The following CA10 variants were observed in gnomAD, a reference collection of about 807,000 sequenced individuals.
CA10 encodes carbonic anhydrase-related protein 10.
CA10 carries 14 observed loss-of-function variants against 44.2 expected under a neutral mutation model. That is an observed-to-expected ratio of 0.32 (90% CI 0.21 to 0.50). The LOEUF (loss-of-function observed/expected upper bound fraction) is 0.50, where lower values mean the gene tolerates loss of function less well. CA10 is among the 20% of genes least tolerant of loss of function. The pLI, the probability that CA10 is intolerant of heterozygous loss-of-function variation, is 0.99. For synonymous variants in CA10, 159 were observed against 141.6 expected (o/e 1.12, Z -0.87); for missense variants, 350 against 409.7 (o/e 0.85, Z 1.26).
At position 51,994,612 on chromosome 17, in the gene CA10, A is replaced by G. The variant is rs531248618; in HGVS notation, c.137-63480T>C. Among the ~76,000 whole-genome samples the G allele has an allele frequency of 1.2e-3, 182 of 151,918 alleles. 4 individuals carry two copies. In the South Asian group the frequency reaches 0.022, roughly 18 times the overall value. On this transcript the variant is annotated intron_variant, in intron 2 of 8. Transcript: ENST00000451037. ...TTGGAAGTCCAGAAACTTCTCATCA[A>G]TGCTACAGAGATCTGGACTTGAGTA...
At chr17:51,880,540 G>A (rs532651657) in intron 3 of CA10, among the ~76,000 whole-genome samples, 21 of 152,072 alleles carry the variant, frequency 1.4e-4, no homozygotes, top group Admixed American at 5.9e-4. Context: ...GGGCTCAAGC[G>A]ATCCTCCTGC....
At chr17:51,737,380 T>C (rs1916946821) in intron 4 of CA10, among the ~76,000 whole-genome samples, 1 of 152,140 alleles carries the variant, frequency 6.6e-6, no homozygotes, top group South Asian at 2.1e-4. Flanking sequence ...GTTATGCTAA[T>C]GTATCTTATC....
intron 3 of CA10, among the ~76,000 whole-genome samples, chr17:51,810,791 C>G (rs1907330633): frequency 6.6e-6 from 1 of 152,210 alleles, no homozygotes; most frequent in African/African-American, 2.4e-5. Context: ...CCTCCAGGAG[C>G]TGGGCTGGGA....
At chr17:51,640,713 C>T (rs747135156) in intron 6 of CA10, among the ~76,000 whole-genome samples, 1 of 152,178 alleles carries the variant, frequency 6.6e-6, no homozygotes, top group Non-Finnish European at 1.5e-5. Context: ...GTTTTCAGCC[C>T]TAATGTCAAG....
chr17:51,754,287 TGTG>T (rs1203416071), intron 3 of CA10, among the ~76,000 whole-genome samples: 1 of 7,428 alleles, frequency 1.3e-4, no homozygotes, highest in Non-Finnish European at 2.3e-4. Context: ...AACAGAATAG[TGTG>T]TGTGTGTGTG....
chr17:51,780,206 T>C (rs1451883428), intron 3 of CA10, among the ~76,000 whole-genome samples: 1 of 152,232 alleles, frequency 6.6e-6, no homozygotes, highest in African/African-American at 2.4e-5. Flanking sequence ...GACTGTATTT[T>C]AGAGTGCTAA....
rs1979539652 is a variant in CA10, at chr17:51,866,213, C to G, written c.279+64777G>C. On this transcript the variant is annotated intron_variant, in intron 3 of 8. Coordinates refer to ENST00000451037, the MANE Select transcript of CA10 (RefSeq NM_020178.5). ...AAGGACTACTGCTCCCATGTCTGAG[C>G]CAACAATGCCCCAGGAAGGTACTAG... is the stretch of plus-strand genomic sequence containing the variant. 1.3e-5 allele frequency among the ~76,000 whole-genome samples: 2 copies of G among 152,168 alleles called. 1 individual carries two copies. Among genetic ancestry groups the G allele is most frequent in the African/African-American group, 4.8e-5 (2 of 41,432 alleles).
At chr17:51,739,390 C>A (rs1477247696) in intron 4 of CA10, among the ~76,000 whole-genome samples, 1 of 152,094 alleles carries the variant, frequency 6.6e-6, no homozygotes, top group Non-Finnish European at 1.5e-5. Context: ...GAACCCTGAT[C>A]AAATTCCAGT....
At chr17:52,080,790 C>T (rs1352413684) in intron 1 of CA10, among the ~76,000 whole-genome samples, 2 of 152,134 alleles carry the variant, frequency 1.3e-5, no homozygotes, top group East Asian at 3.9e-4. Flanking sequence ...CTCAAAGCCT[C>T]TCCAATTTAC....
At chr17:51,713,759 T>G (rs1232553161) in intron 4 of CA10, among the ~76,000 whole-genome samples, 1 of 152,168 alleles carries the variant, frequency 6.6e-6, no homozygotes, top group Non-Finnish European at 1.5e-5. Context: ...TGTTCCTGGG[T>G]AGGTTCATGA....
chr17:52,156,367 C>T (rs1161099546), intron 1 of CA10, among the ~76,000 whole-genome samples: 1 of 152,074 alleles, frequency 6.6e-6, no homozygotes, highest in African/African-American at 2.4e-5. Context: ...TTGGGGTGAC[C>T]CCAGGGCACA....
chr17:52,045,698 CTA>C (rs2144199957), intron 2 of CA10, among the ~76,000 whole-genome samples: 1 of 151,978 alleles, frequency 6.6e-6, no homozygotes, highest in East Asian at 2.0e-4. Flanking sequence ...ATTGACATAA[CTA>C]TGAAAAAATC....
chr17:51,703,345 T>TGGAAA (rs1915660062), intron 4 of CA10, among the ~76,000 whole-genome samples: 1 of 152,076 alleles, frequency 6.6e-6, no homozygotes, highest in African/African-American at 2.4e-5. Flanking sequence ...TATCTTTCCA[T>TGGAAA]GATAATATCT....
intron 3 of CA10, among the ~76,000 whole-genome samples, chr17:51,818,121 G>A (rs895751782): frequency 1.2e-4 from 18 of 152,190 alleles, no homozygotes; most frequent in African/African-American, 3.6e-4. Flanking sequence ...TATCTCTGCT[G>A]TTGAATTGCT....
chr17:52,084,941 C>T (rs1988079727), intron 1 of CA10, among the ~76,000 whole-genome samples: 1 of 152,192 alleles, frequency 6.6e-6, no homozygotes, highest in African/African-American at 2.4e-5. Flanking sequence ...CTCACCTCTT[C>T]CAGCAAGCCG....
At chr17:51,871,503 G>A (rs1016632610) in intron 3 of CA10, among the ~76,000 whole-genome samples, 1 of 146,588 alleles carries the variant, frequency 6.8e-6, no homozygotes, top group Non-Finnish European at 1.5e-5. Flanking sequence ...GCCTCCCAAA[G>A]TGTTGGGATT....
At chr17:51,859,578 C>T (rs1358974824) in intron 3 of CA10, among the ~76,000 whole-genome samples, 2 of 152,136 alleles carry the variant, frequency 1.3e-5, no homozygotes, top group Non-Finnish European at 2.9e-5. Flanking sequence ...CACTGAAGGG[C>T]TGTCAATATT....
chr17:51,765,359 G>A (rs1905334246), intron 3 of CA10, among the ~76,000 whole-genome samples: 1 of 152,126 alleles, frequency 6.6e-6, no homozygotes, highest in South Asian at 2.1e-4. Context: ...AGCCCAATAT[G>A]TCAATTTCTA....
chr17:51,924,524 C>T (rs1359608963), intron 3 of CA10, among the ~76,000 whole-genome samples: 2 of 152,184 alleles, frequency 1.3e-5, no homozygotes, highest in Admixed American at 6.5e-5. Flanking sequence ...GTCTTCCGAT[C>T]GTCCATTTGG....
Sources: gnomAD v4.1 joint callset for allele counts (sites outside exome capture counted in the v4.1 genomes callset) on GRCh38, gnomAD v4.1.1 for gene constraint, MANE v1.5 for transcripts, NCBI Gene and HGNC (gene_info 2026-07-23, HGNC 2026-07-21) for gene names.